The following LOXL2 variants were observed in gnomAD, a reference collection of about 807,000 sequenced individuals.
LOXL2 encodes lysyl oxidase like 2, also known as lysyl oxidase homolog 2.
LOXL2 carries 70 observed loss-of-function variants against 93.0 expected under a neutral mutation model. The observed-to-expected ratio is 0.75, with a 90% CI of 0.62 to 0.92. The LOEUF (loss-of-function observed/expected upper bound fraction) is 0.92, where lower values mean the gene tolerates loss of function less well. LOXL2 is among the 40% of genes least tolerant of loss of function. The pLI is 0.00. For synonymous variants in LOXL2, 438 were observed against 413.2 expected, an observed-to-expected ratio of 1.06 and a Z score of -0.73; for missense variants, 973 against 1,054.9, an observed-to-expected ratio of 0.92 and a Z score of 1.08.
intron 10 of LOXL2, among the ~76,000 whole-genome samples, chr8:23,304,831 G>T (rs1803203484): frequency 6.6e-6 from 1 of 152,168 alleles, no homozygotes; most frequent in Admixed American, 6.5e-5. Flanking sequence ...TTGGCCTCAG[G>T]TTCCCTCTGC....
intron 1 of LOXL2, among the ~76,000 whole-genome samples, chr8:23,403,582 G>C (rs1800179247): frequency 6.6e-6 from 1 of 151,976 alleles, no homozygotes; most frequent in Non-Finnish European, 1.5e-5. Context: ...CCAGAATTCC[G>C]GAGACGCTGT....
At chr8:23,350,912 T>C (rs1804082119) in intron 3 of LOXL2, among the ~76,000 whole-genome samples, 1 of 152,104 alleles carries the variant, frequency 6.6e-6, no homozygotes, top group Non-Finnish European at 1.5e-5. Context: ...GGACACCTGC[T>C]CCAACAACCA....
chr8:23,323,838 A>C (rs1160042458), intron 6 of LOXL2, among the ~76,000 whole-genome samples: 1 of 152,174 alleles, frequency 6.6e-6, no homozygotes, highest in Non-Finnish European at 1.5e-5. Context: ...AGTAGCTGGA[A>C]ATACAGGCAC....
At chr8:23,386,881 G>T (rs886683627) in intron 1 of LOXL2, among the ~76,000 whole-genome samples, 6 of 152,178 alleles carry the variant, frequency 3.9e-5, no homozygotes, top group Non-Finnish European at 8.8e-5. Context: ...TCACAGGCAC[G>T]CAAGGGTCCG....
intron 3 of LOXL2, among the ~76,000 whole-genome samples, chr8:23,359,856 C>T (rs1804259530): frequency 1.3e-5 from 2 of 152,212 alleles, no homozygotes; most frequent in African/African-American, 4.8e-5. Flanking sequence ...GCCCAACCTT[C>T]ACACCTCTGT....
At chr8:23,333,350 C>T in intron 5 of LOXL2, 51 bp downstream of exon 5, 1 of 1,542,020 alleles carries the variant, frequency 6.5e-7, no homozygotes, top group Non-Finnish European at 9.0e-7. Context: ...CCTCAACACC[C>T]TCCCATCCCC....
At position 23,322,241 on chromosome 8, in the gene LOXL2, G is replaced by A. The variant is rs1803508675; in HGVS notation, c.1191C>T (p.Gly397=). Residue 397 remains glycine, a synonymous_variant, in exon 7 of 14, where the codon GGC becomes GGT. Transcript: ENST00000389131. Reference sequence around the variant, plus strand: ...TGCAGTCTATAATGGACTTCTCATTGCCTGTGCACTGGATCTCGTTGAGGT... The same window carrying A: ...TGCAGTCTATAATGGACTTCTCATTACCTGTGCACTGGATCTCGTTGAGGT... ...PIHLNEIQCT[G]NEKSIIDCKF... is the part of the protein sequence containing the mutation. 1.2e-6 allele frequency: 2 copies of A among 1,614,164 alleles called. No individual in the cohort carries two copies. Among genetic ancestry groups the A allele is most frequent in the Non-Finnish European group, 1.7e-6 (2 of 1,180,004 alleles).
intron 1 of LOXL2, among the ~76,000 whole-genome samples, chr8:23,384,828 C>T (rs1323887373): frequency 1.3e-5 from 2 of 152,050 alleles, no homozygotes; most frequent in East Asian, 1.9e-4. Flanking sequence ...GCAGGAGAAT[C>T]GCTGGAACCC....
At chr8:23,307,989 C>G (rs984275577) in intron 10 of LOXL2, among the ~76,000 whole-genome samples, 1 of 84,860 alleles carries the variant, frequency 1.2e-5, no homozygotes, top group Non-Finnish European at 2.4e-5. Context: ...AGATAGATTT[C>G]TGATGAAGAG....
intron 12 of LOXL2, among the ~76,000 whole-genome samples, chr8:23,301,060 G>T (rs1285862150): frequency 6.6e-6 from 1 of 152,256 alleles, no homozygotes; most frequent in Non-Finnish European, 1.5e-5. Flanking sequence ...CTCTGAAGGT[G>T]TTGTTTCTTC....
At chr8:23,355,847 A>C (rs1387018536) in intron 3 of LOXL2, among the ~76,000 whole-genome samples, 1 of 151,662 alleles carries the variant, frequency 6.6e-6, no homozygotes, top group African/African-American at 2.4e-5. Flanking sequence ...GGGCTCAAGC[A>C]ATCTGCCCAC....
At chr8:23,346,707 G>C (rs1803994576) in intron 3 of LOXL2, among the ~76,000 whole-genome samples, 1 of 152,208 alleles carries the variant, frequency 6.6e-6, no homozygotes, top group Non-Finnish European at 1.5e-5. Context: ...CAGCCTACAT[G>C]AATCCACATC....
Position 23,333,644 on chromosome 8 carries a change from CA to C in LOXL2, c.744-22del, listed in dbSNP as rs754630254. 5.0e-6 allele frequency: 8 copies of C among 1,590,736 alleles called. No homozygotes were observed. The South Asian group carries it at 8.8e-5, about 18-fold the overall frequency. ...ACATTCTGCAGACGATGGGAGGGGACAGGGGACCAGGGCATCATGACGCCTA... is the reference window on the plus strand; with the variant it reads ...ACATTCTGCAGACGATGGGAGGGGACGGGGACCAGGGCATCATGACGCCTA... On this transcript the variant is annotated intron_variant, in intron 4 of 13. Coordinates refer to ENST00000389131, the MANE Select transcript of LOXL2 (RefSeq NM_002318.3).
At chr8:23,318,569 C>T (rs1803443460) in intron 8 of LOXL2, among the ~76,000 whole-genome samples, 1 of 152,106 alleles carries the variant, frequency 6.6e-6, no homozygotes, top group Admixed American at 6.5e-5. Flanking sequence ...AGGGATGGGG[C>T]TTGTAATCAG....
In LOXL2 at chr8:23,297,189, T is replaced by G. The variant is rs974686685; in HGVS notation, c.*854A>C. 1.7e-4 allele frequency: 26 copies of G among 152,142 alleles called. No homozygotes were observed. The highest frequency in any genetic ancestry group is 3.2e-4 in the Non-Finnish European group (22 of 68,008). The allele number at this position is 152,142 out of a possible 1,614,324, so 9.4% of individuals were successfully genotyped here. On this transcript the variant is annotated 3_prime_UTR_variant, in exon 14 of 14. Coordinates refer to ENST00000389131, the MANE Select transcript of LOXL2 (RefSeq NM_002318.3). ...AGGAAACACAGACACGTTTCATAAA[T>G]CTTTCTTTTATTCCAAGTTTCAAGT... is the stretch of plus-strand genomic sequence containing the variant.
At chr8:23,326,093 C>T (rs1253986670) in intron 6 of LOXL2, among the ~76,000 whole-genome samples, 1 of 152,224 alleles carries the variant, frequency 6.6e-6, no homozygotes, top group Non-Finnish European at 1.5e-5. Flanking sequence ...CAGCTAGAGC[C>T]AGGGCTGAGG....
intron 9 of LOXL2, among the ~76,000 whole-genome samples, chr8:23,315,961 C>CT (rs1803395360): frequency 6.6e-6 from 1 of 152,214 alleles, no homozygotes. Context: ...TGCTGGGATG[C>CT]TTTCCCCCGG....
At chr8:23,364,189 C>T (rs139036940) in intron 2 of LOXL2, 2 of 152,126 alleles carry the variant, frequency 1.3e-5, no homozygotes, top group East Asian at 3.9e-4. Flanking sequence ...TTTTTTCCCT[C>T]TACAGGCTTA....
At chr8:23,385,829 G>T in intron 1 of LOXL2, 2 of 636,772 alleles carry the variant, frequency 3.1e-6, no homozygotes, top group South Asian at 3.5e-5. Context: ...TTTCAATATG[G>T]AATCAATACA....
Sources: allele counts gnomAD v4.1 joint callset (sites outside exome capture counted in the v4.1 genomes callset), GRCh38; gene constraint gnomAD v4.1.1; transcripts MANE v1.5; gene names NCBI Gene and HGNC (gene_info 2026-07-23, HGNC 2026-07-21).